KCNC2: variants seen among roughly 807,000 people sequenced by gnomAD.
KCNC2 encodes the protein voltage-gated potassium channel KCNC2.
Under a neutral mutation model 44.5 loss-of-function variants are expected in KCNC2, and 21 were observed. The observed-to-expected ratio is 0.47, with a 90% CI of 0.33 to 0.68. The LOEUF (loss-of-function observed/expected upper bound fraction) is 0.68. Ranked by LOEUF, KCNC2 falls within the 30% of genes least tolerant of loss-of-function variation. KCNC2 has a pLI of 0.01. For synonymous variants in KCNC2, 391 were observed against 339.1 expected (o/e 1.15, Z -1.68); for missense variants, 589 against 826.2 (o/e 0.71, Z 3.52).
chr12:75,182,019 G>T (rs917722442), intron 2 of KCNC2, among the ~76,000 whole-genome samples: 1 of 121,134 alleles, frequency 8.3e-6, no homozygotes. Context: ...TGATCTGCCC[G>T]CCTCAGCCAT....
At chr12:75,149,207 G>A (rs1027616595) in intron 2 of KCNC2, among the ~76,000 whole-genome samples, 25 of 151,820 alleles carry the variant, frequency 1.6e-4, no homozygotes, top group Non-Finnish European at 2.2e-4. Context: ...TTGTGTCTGT[G>A]TGTGTGTGTG....
At position 75,040,801 on chromosome 12, in the gene KCNC2, A is replaced by T; in HGVS notation, c.*2304T>A. 1 of 322,050 alleles carries T rather than the reference A, an allele frequency of 3.1e-6. No individual in the cohort carries two copies. The highest frequency in any genetic ancestry group is 5.3e-5 in the East Asian group (1 of 18,910). The allele number at this position is 322,050 out of a possible 1,614,324, so 19.9% of individuals were successfully genotyped here. On this transcript the variant is annotated 3_prime_UTR_variant, in exon 5 of 5. Coordinates refer to ENST00000549446, the MANE Select transcript of KCNC2 (RefSeq NM_139137.4). Reference sequence around the variant, plus strand: ...ATACTACATCAGTATCACTGCCTTAAGTAATTCACAGCACAACCTAATGTG... The same window carrying T: ...ATACTACATCAGTATCACTGCCTTATGTAATTCACAGCACAACCTAATGTG...
intron 2 of KCNC2, among the ~76,000 whole-genome samples, chr12:75,056,704 T>C (rs1376605394): frequency 6.6e-6 from 1 of 151,974 alleles, no homozygotes; most frequent in Non-Finnish European, 1.5e-5. Flanking sequence ...ACAAATAGAA[T>C]GATATTCAAT....
In KCNC2 at chr12:75,207,582, G is replaced by C. The variant is rs1295788082; in HGVS notation, c.402C>G (p.Phe134Leu). 1 of 1,612,000 alleles carries C rather than the reference G, an allele frequency of 6.2e-7. No individual in the cohort carries two copies. Among genetic ancestry groups the C allele is most frequent in the Non-Finnish European group, 8.5e-7 (1 of 1,179,878 alleles). The stretch of plus-strand genomic sequence containing the variant: ...TGCCCCAGAAGGCCAGCTCCTCCTC[G>C]AAGAGCGGCCCGCACACGTCTGCGG... The part of the protein sequence containing the change: ...HCPADVCGPL[F>L]EEELAFWGID... The change falls in exon 2 of 5, where the codon TTC becomes TTG. Residue 134 changes from phenylalanine to leucine, a missense_variant. Physicochemically the swap from Phe to Leu is conservative, Grantham distance 22 (BLOSUM62 0). Transcript: ENST00000549446. This position sits in a 1 kb window ranked among gnomAD's most constrained non-coding sequence, Gnocchi z 4.1.
In KCNC2 at chr12:75,042,995, A is replaced by G. The variant is rs957686671; in HGVS notation, c.*110T>C. On this transcript the variant is annotated 3_prime_UTR_variant, in exon 5 of 5. Transcript: ENST00000549446. The stretch of plus-strand genomic sequence containing the variant: ...AATTGTAGTATCATGCAAGATTTAT[A>G]CTGTATTAATGGAGCCTGGAGTAAC... The G allele has an allele frequency of 1.3e-6, 2 of 1,489,750 alleles. No homozygotes were observed. The highest frequency in any genetic ancestry group is 1.8e-6 in the Non-Finnish European group (2 of 1,121,014). 92.3% of individuals were successfully genotyped at this position (1,489,750 alleles called of 1,614,324 possible). A position where few individuals can be genotyped will look rare whatever the true frequency, so the allele number is the denominator to read the frequency against.
At chr12:75,172,080 C>T (rs1166856718) in intron 2 of KCNC2, among the ~76,000 whole-genome samples, 2 of 151,728 alleles carry the variant, frequency 1.3e-5, no homozygotes, top group Non-Finnish European at 2.9e-5. Flanking sequence ...AAGGATGTCA[C>T]ATTGCTCAAA....
At chr12:75,075,583 G>C (rs1284442985) in intron 2 of KCNC2, among the ~76,000 whole-genome samples, 1 of 151,496 alleles carries the variant, frequency 6.6e-6, no homozygotes, top group Admixed American at 6.6e-5. Context: ...TAATTACATA[G>C]TTATTCTTGA....
chr12:75,128,221 G>C (rs1041006245), intron 2 of KCNC2, among the ~76,000 whole-genome samples: 1 of 152,080 alleles, frequency 6.6e-6, no homozygotes, highest in African/African-American at 2.4e-5. Flanking sequence ...CCAAAGCAGT[G>C]TAAAAATTGG....
At chr12:75,161,217 G>A (rs1891104180) in intron 2 of KCNC2, among the ~76,000 whole-genome samples, 1 of 151,576 alleles carries the variant, frequency 6.6e-6, no homozygotes, top group African/African-American at 2.4e-5. Context: ...ATTATTATAT[G>A]GAACTTAGGA....
At chr12:75,200,272 A>T (rs2137774712) in intron 2 of KCNC2, among the ~76,000 whole-genome samples, 1 of 151,940 alleles carries the variant, frequency 6.6e-6, no homozygotes, top group East Asian at 1.9e-4. Flanking sequence ...TCTAAATACT[A>T]GCCCTGCCAT....
intron 2 of KCNC2, among the ~76,000 whole-genome samples, chr12:75,148,056 C>T (rs1324122684): frequency 1.3e-5 from 2 of 152,082 alleles, no homozygotes; most frequent in South Asian, 2.1e-4. Context: ...TTATAGCATC[C>T]AAATTGTAAA....
intron 2 of KCNC2, among the ~76,000 whole-genome samples, chr12:75,170,511 C>A (rs1453429979): frequency 6.6e-6 from 1 of 151,678 alleles, no homozygotes; most frequent in Non-Finnish European, 1.5e-5. Context: ...AACCTGAATA[C>A]CTGAATGTAT....
intron 2 of KCNC2, among the ~76,000 whole-genome samples, chr12:75,123,054 G>A (rs1219890521): frequency 6.6e-6 from 1 of 151,828 alleles, no homozygotes; most frequent in African/African-American, 2.4e-5. Context: ...TAAAAAGTAA[G>A]TACAAATTTT....
chr12:75,111,906 T>A (rs1431640958), intron 2 of KCNC2, among the ~76,000 whole-genome samples: 2 of 152,002 alleles, frequency 1.3e-5, no homozygotes, highest in Non-Finnish European at 2.9e-5. Context: ...GTGTGAAAAA[T>A]TCAATAATTT....
chr12:75,124,395 T>A (rs1888256452), intron 2 of KCNC2, among the ~76,000 whole-genome samples: 1 of 152,198 alleles, frequency 6.6e-6, no homozygotes, highest in Non-Finnish European at 1.5e-5. Context: ...TATAAAAACA[T>A]GAACTCTTGG....
chr12:75,044,600 A>G (rs1244091884), intron 4 of KCNC2: 1 of 152,008 alleles, frequency 6.6e-6, no homozygotes, highest in East Asian at 1.9e-4. Context: ...AGAGGCCAAG[A>G]CAGACATAGG....
chr12:75,154,773 T>C (rs1460110211), intron 2 of KCNC2, among the ~76,000 whole-genome samples: 1 of 152,050 alleles, frequency 6.6e-6, no homozygotes. Context: ...TGTCATTTTA[T>C]AAATCATATG....
chr12:75,178,942 G>C (rs535423488), intron 2 of KCNC2, among the ~76,000 whole-genome samples: 1 of 152,080 alleles, frequency 6.6e-6, no homozygotes, highest in African/African-American at 2.4e-5. Flanking sequence ...CTACCCAGTA[G>C]ATGACTGTTC....
chr12:75,129,097 A>G (rs530247676), intron 2 of KCNC2, among the ~76,000 whole-genome samples: 5 of 152,336 alleles, frequency 3.3e-5, no homozygotes, highest in African/African-American at 9.6e-5. Context: ...TAGTTGCTCT[A>G]TCACTTGGTT....
Sources: allele counts gnomAD v4.1 joint callset (sites outside exome capture counted in the v4.1 genomes callset), GRCh38; gene constraint gnomAD v4.1.1; non-coding constraint Gnocchi (gnomAD v3.1); transcripts MANE v1.5; gene names NCBI Gene and HGNC (gene_info 2026-07-23, HGNC 2026-07-21).